KLHL4: variants seen among roughly 807,000 people sequenced by gnomAD.
KLHL4 encodes the protein kelch like family member 4, also known as kelch-like protein 4.
In KLHL4, 17 loss-of-function variants were observed where a neutral mutation model predicts 45.8. The ratio of observed to expected loss-of-function variants is 0.37; its 90% CI spans 0.25 to 0.56. The LOEUF is 0.56. Among genes scored for constraint, KLHL4 ranks in the 20% least tolerant of loss-of-function variants. The probability of loss-of-function intolerance (pLI) is 0.79; values close to 1 mark genes in which losing one functional copy is unlikely to be tolerated. For missense variants in KLHL4, 544 were observed against 544.9 expected (o/e 1.00, Z 0.02); for synonymous variants, 224 against 189.9 (o/e 1.18, Z -1.47).
chrX:87,628,695 C>T (rs1286149669), intron 6 of KLHL4, among the ~76,000 whole-genome samples: 2 of 111,044 alleles, frequency 1.8e-5, no homozygotes, highest in Admixed American at 1.9e-4. Flanking sequence ...CCACCTGTAC[C>T]CCCAACACTA....
intron 1 of KLHL4, among the ~76,000 whole-genome samples, chrX:87,518,651 T>G (rs1930940230): frequency 8.9e-6 from 1 of 111,974 alleles, no homozygotes; most frequent in Non-Finnish European, 1.9e-5. Flanking sequence ...CAATTCTTTG[T>G]GCAAGTGTTA....
chrX:87,523,317 A>G (rs1023821456), intron 1 of KLHL4, among the ~76,000 whole-genome samples: 1 of 111,673 alleles, frequency 9.0e-6, no homozygotes, highest in African/African-American at 3.3e-5. Flanking sequence ...TTATACATAT[A>G]TGTACACGTA....
At chrX:87,638,048 C>T (rs1923325499) in intron 9 of KLHL4, among the ~76,000 whole-genome samples, 1 of 111,785 alleles carries the variant, frequency 8.9e-6, no homozygotes, top group Non-Finnish European at 1.9e-5. Flanking sequence ...TTGCAAAATG[C>T]ACTGGAAAGT....
chrX:87,571,786 T>C (rs1932338884), intron 1 of KLHL4, among the ~76,000 whole-genome samples: 1 of 111,233 alleles, frequency 9.0e-6, no homozygotes, highest in African/African-American at 3.2e-5. Flanking sequence ...TCAATTGATA[T>C]AGAGACATTT....
Position 87,625,666 on chromosome X carries a change from G to A in KLHL4, c.1194G>A (p.Lys398=), listed in dbSNP as rs773114497. Residue 398 remains lysine (K), a synonymous_variant, in exon 6 of 11, where the codon AAG becomes AAA. Coordinates refer to ENST00000373119, the MANE Select transcript of KLHL4 (RefSeq NM_019117.5). ...TTACTGGTGATCTTGAGTGTCAGAA[G>A]CTCCTGATGGAAGCTATGAAGTATC... The part of the protein sequence containing the change: ...SMFTGDLECQ[K]LLMEAMKYHL... 15 of 1,206,693 alleles carry A rather than the reference G, an allele frequency of 1.2e-5. No individual in the cohort carries two copies. The highest frequency in any genetic ancestry group is 1.1e-4 in the South Asian group (6 of 56,422).
At chrX:87,659,370 G>A (rs1380084495) in intron 9 of KLHL4, among the ~76,000 whole-genome samples, 8 of 109,359 alleles carry the variant, frequency 7.3e-5, no homozygotes, top group Non-Finnish European at 1.5e-4. Context: ...CACCCACCTC[G>A]GCCTCCCAAA....
At chrX:87,541,700 T>C (rs1387866119) in intron 1 of KLHL4, among the ~76,000 whole-genome samples, 1 of 110,638 alleles carries the variant, frequency 9.0e-6, no homozygotes, top group Non-Finnish European at 1.9e-5. Flanking sequence ...TTTATAGCAG[T>C]GTTAGAATGG....
chrX:87,556,936 G>A (rs1335742921), intron 1 of KLHL4, among the ~76,000 whole-genome samples: 1 of 111,495 alleles, frequency 9.0e-6, no homozygotes, highest in East Asian at 2.8e-4. Flanking sequence ...GCTTTATTGT[G>A]ACTGACAGTT....
At chrX:87,655,531 A>C (rs1303595392) in intron 9 of KLHL4, among the ~76,000 whole-genome samples, 1 of 111,501 alleles carries the variant, frequency 9.0e-6, no homozygotes, top group Non-Finnish European at 1.9e-5. Context: ...TTTTCCATTT[A>C]AATTGAATAT....
At chrX:87,536,003 T>G (rs909515424) in intron 1 of KLHL4, among the ~76,000 whole-genome samples, 1 of 110,672 alleles carries the variant, frequency 9.0e-6, no homozygotes, top group African/African-American at 3.3e-5. Context: ...CTTATGCTTC[T>G]TGTACATCCT....
intron 1 of KLHL4, among the ~76,000 whole-genome samples, chrX:87,558,210 T>A (rs773163066): frequency 9.0e-6 from 1 of 111,420 alleles, no homozygotes; most frequent in East Asian, 2.8e-4. Flanking sequence ...AATATATGAG[T>A]TCAAATGCCA....
intron 9 of KLHL4, among the ~76,000 whole-genome samples, chrX:87,638,846 A>G (rs1158506039): frequency 8.9e-6 from 1 of 111,762 alleles, no homozygotes; most frequent in Non-Finnish European, 1.9e-5. Context: ...TCACATCTCA[A>G]TAGTAACGGT....
At chrX:87,649,209 G>A (rs945970040) in intron 9 of KLHL4, among the ~76,000 whole-genome samples, 4 of 111,301 alleles carry the variant, frequency 3.6e-5, no homozygotes, top group Non-Finnish European at 7.6e-5. Flanking sequence ...CGCAGCCACT[G>A]GTAACCACTG....
intron 4 of KLHL4, among the ~76,000 whole-genome samples, chrX:87,618,752 G>C (rs1220584328): frequency 9.0e-6 from 1 of 111,298 alleles, no homozygotes; most frequent in African/African-American, 3.3e-5. Flanking sequence ...ACCTGCCTCA[G>C]CCTCCCAAAG....
At chrX:87,666,346 C>A (rs964243940) in intron 10 of KLHL4, 129 bp from the exon 11 acceptor site, 3 of 543,448 alleles carry the variant, frequency 5.5e-6, no homozygotes, top group African/African-American at 2.4e-5. Flanking sequence ...TGCAGATTAT[C>A]TCATCTTTAG....
At chrX:87,561,358 T>C (rs1192722587) in intron 1 of KLHL4, among the ~76,000 whole-genome samples, 1 of 110,845 alleles carries the variant, frequency 9.0e-6, no homozygotes, top group African/African-American at 3.3e-5. Context: ...GGATAATCTA[T>C]GTGCTTGAGG....
chrX:87,517,848 C>T lies in KLHL4; in HGVS notation c.-46C>T, dbSNP rs1355456340. 2 of 1,136,670 alleles carry T rather than the reference C, an allele frequency of 1.8e-6. No homozygotes were observed. Among genetic ancestry groups the T allele is most frequent in the South Asian group, 2.1e-5 (1 of 48,561 alleles). 93.7% of individuals were successfully genotyped at this position (1,136,670 alleles called of 1,213,427 possible). On this transcript the variant is annotated 5_prime_UTR_variant, in exon 1 of 11. Transcript: ENST00000373119. ...GAAAAACAAGAGATAACAAAGGCTC[C>T]GTTTCCTTTCTGTGAGAGAAGGCTT... is the stretch of plus-strand genomic sequence containing the variant.
Position 87,550,512 on chromosome X carries a change from C to A in KLHL4, c.422+32197C>A, listed in dbSNP as rs1000706117. 4.5e-5 allele frequency among the ~76,000 whole-genome samples: 5 copies of A among 111,010 alleles called. No homozygotes were observed. The Admixed American group carries it at 4.8e-4, about 11-fold the overall frequency. On this transcript the variant is annotated intron_variant, in intron 1 of 10. Transcript: ENST00000373119. Reference sequence around the variant, plus strand: ...CTCTCCCTAATTCATTTGATGAAGCCAGCATTACTCTAATATCAAAAGCAG... The same window carrying A: ...CTCTCCCTAATTCATTTGATGAAGCAAGCATTACTCTAATATCAAAAGCAG...
chrX:87,562,148 C>T (rs1261373793), intron 1 of KLHL4, among the ~76,000 whole-genome samples: 1 of 109,031 alleles, frequency 9.2e-6, no homozygotes, highest in Non-Finnish European at 1.9e-5. Context: ...TTTGCTTTCA[C>T]CTTGAGTACC....
Sources: gnomAD v4.1 joint callset for allele counts (sites outside exome capture counted in the v4.1 genomes callset) on GRCh38, gnomAD v4.1.1 for gene constraint, MANE v1.5 for transcripts, NCBI Gene and HGNC (gene_info 2026-07-23, HGNC 2026-07-21) for gene names.